Variants in CPS1 observed in about 807,000 individuals in gnomAD.
The protein encoded by CPS1 is carbamoyl-phosphate synthase 1.
In CPS1, 109 loss-of-function variants were observed where a neutral mutation model predicts 174.6. That is an observed-to-expected ratio of 0.62 (90% confidence interval 0.53 to 0.73). The LOEUF is 0.73. Among genes scored for constraint, CPS1 ranks in the 30% least tolerant of loss-of-function variants. The pLI, the probability that CPS1 is intolerant of heterozygous loss-of-function variation, is 0.00. For synonymous variants in CPS1, 637 were observed against 632.0 expected, an observed-to-expected ratio of 1.01 and a Z score of -0.12; for missense variants, 1,689 against 1,821.9, an observed-to-expected ratio of 0.93 and a Z score of 1.33.
In CPS1 at chr2:210,656,545, T is replaced by C. The variant is rs2105917839; in HGVS notation, c.3579T>C (p.Ser1193=). 1 of 1,609,146 alleles carries C rather than the reference T, an allele frequency of 6.2e-7. No homozygotes were observed. The highest frequency in any genetic ancestry group is 1.1e-5 in the South Asian group (1 of 90,888). Residue 1193 remains serine (S), a synonymous_variant, in exon 30 of 38, where the codon TCT becomes TCC. Coordinates refer to ENST00000233072, the MANE Select transcript of CPS1 (RefSeq NM_001875.5). ...KDGRVISHAI[S]EHVEDAGVHS... Reference sequence around the variant, plus strand: ...GCCAGGTTATCTCTCATGCCATCTCTGAACATGTTGAAGATGCAGGTGTCC... The same window carrying C: ...GCCAGGTTATCTCTCATGCCATCTCCGAACATGTTGAAGATGCAGGTGTCC...
At chr2:210,649,090 A>G (rs1288760575) in intron 27 of CPS1, among the ~76,000 whole-genome samples, 1 of 152,244 alleles carries the variant, frequency 6.6e-6, no homozygotes, top group Non-Finnish European at 1.5e-5. Flanking sequence ...TTCAGATGTT[A>G]CCACATGTAA....
intron 1 of CPS1, among the ~76,000 whole-genome samples, chr2:210,486,410 C>T (rs763939083): frequency 6.6e-6 from 1 of 152,142 alleles, no homozygotes; most frequent in Non-Finnish European, 1.5e-5. Flanking sequence ...CAGAAGTACA[C>T]GTGCCCAACA....
At chr2:210,630,916 A>G (rs1160730446) in intron 21 of CPS1, among the ~76,000 whole-genome samples, 1 of 152,132 alleles carries the variant, frequency 6.6e-6, no homozygotes, top group African/African-American at 2.4e-5. Flanking sequence ...GAGAGAGGCT[A>G]GTGAGGGTTC....
At chr2:210,660,870 T>C (rs961763230) in intron 32 of CPS1, among the ~76,000 whole-genome samples, 7 of 152,236 alleles carry the variant, frequency 4.6e-5, no homozygotes, top group African/African-American at 1.4e-4. Flanking sequence ...CCATCTAGAA[T>C]TGTATAACTT....
chr2:210,669,711 C>T (rs541381271), intron 34 of CPS1, among the ~76,000 whole-genome samples: 2 of 152,126 alleles, frequency 1.3e-5, no homozygotes, highest in Non-Finnish European at 2.9e-5. Context: ...AGACAAATCA[C>T]ACCATATGAT....
At chr2:210,630,942 T>C (rs945387530) in intron 21 of CPS1, among the ~76,000 whole-genome samples, 1 of 151,564 alleles carries the variant, frequency 6.6e-6, no homozygotes, top group Non-Finnish European at 1.5e-5. Context: ...TCAGAGAACA[T>C]ATATCTTACT....
intron 1 of CPS1, among the ~76,000 whole-genome samples, chr2:210,508,631 G>A (rs1475643170): frequency 6.6e-6 from 1 of 152,076 alleles, no homozygotes; most frequent in Non-Finnish European, 1.5e-5. Context: ...TAGACCACTA[G>A]CAAGACTAAT....
chr2:210,591,988 C>G lies in CPS1; in HGVS notation c.1086+19C>G. On this transcript the variant is annotated intron_variant, in intron 10 of 37. Coordinates refer to ENST00000233072, the MANE Select transcript of CPS1 (RefSeq NM_001875.5). ...AAATGAGGTAAATGATGTCAATAAACCTGTTCAGTTGGTGATGAGAAACGC... is the reference window on the plus strand; with the variant it reads ...AAATGAGGTAAATGATGTCAATAAAGCTGTTCAGTTGGTGATGAGAAACGC... 6.2e-7 allele frequency: 1 copy of G among 1,607,996 alleles called. No individual in the cohort carries two copies. The highest frequency in any genetic ancestry group is 1.1e-5 in the South Asian group (1 of 90,728).
At chr2:210,530,715 A>G (rs780398686) in intron 1 of CPS1, among the ~76,000 whole-genome samples, 4 of 151,992 alleles carry the variant, frequency 2.6e-5, no homozygotes, top group Non-Finnish European at 5.9e-5. Context: ...AGCATCGTAA[A>G]TACTGCCTCT....
In CPS1 at chr2:210,644,696, A is replaced by G. The variant is rs569683809; in HGVS notation, c.3141+2031A>G. Among the ~76,000 whole-genome samples, 18 of 152,316 alleles carry G rather than the reference A, an allele frequency of 1.2e-4. No homozygotes were observed. In the South Asian group the frequency reaches 3.7e-3, roughly 32 times the overall value. Reference sequence around the variant, plus strand: ...ATCTAATTTGTGCATAAAAATAAGGACTAACCAAAGTGATTAGTGGCCAGG... The same window carrying G: ...ATCTAATTTGTGCATAAAAATAAGGGCTAACCAAAGTGATTAGTGGCCAGG... On this transcript the variant is annotated intron_variant, in intron 25 of 37. Coordinates refer to ENST00000233072, the MANE Select transcript of CPS1 (RefSeq NM_001875.5).
rs148708735 is a variant in CPS1 at position 210,556,854 on chromosome 2, G to T, written c.121G>T (p.Val41Phe). ...FSRPGIRLLS[V>F]KAQTAHIVLE... ...AAGACCTGGCATCAGGCTCCTTTCT[G>T]TCAAGGTAATACCCATATTGATTGT... is the stretch of plus-strand genomic sequence containing the variant. Residue 41 changes from valine (V) to phenylalanine (F), a missense_variant, in exon 1 of 38, where the codon GTC (valine) becomes TTC (phenylalanine). By Grantham distance (50) the Val-to-Phe change is conservative (BLOSUM62 -1). Transcript: ENST00000233072. 2.5e-5 allele frequency: 40 copies of T among 1,612,790 alleles called. No homozygotes were observed. The African/African-American group carries it at 5.1e-4, about 20-fold the overall frequency.
chr2:210,555,589 A>G (rs987823007), upstream of CPS1: 2 of 455,150 alleles, frequency 4.4e-6, no homozygotes, highest in African/African-American at 4.0e-5. Context: ...CACTGATTCT[A>G]TGTTATTGAA....
intron 1 of CPS1, among the ~76,000 whole-genome samples, chr2:210,550,641 T>C (rs762071589): frequency 1.3e-5 from 2 of 151,940 alleles, no homozygotes; most frequent in Admixed American, 6.6e-5. Flanking sequence ...GTGGAGCCAA[T>C]AGAACAGATT....
intron 1 of CPS1, among the ~76,000 whole-genome samples, chr2:210,529,603 G>C (rs1306306306): frequency 1.3e-5 from 2 of 151,946 alleles, no homozygotes; most frequent in African/African-American, 4.8e-5. Context: ...ACAAAAAGAA[G>C]AACAAGTCTG....
chr2:210,485,246 TAAAATA>T (rs1414980200), intron 1 of CPS1, among the ~76,000 whole-genome samples: 1 of 146,630 alleles, frequency 6.8e-6, no homozygotes, highest in Non-Finnish European at 1.5e-5. Context: ...AAAAAAAAAA[TAAAATA>T]AAAATAAAAA....
intron 1 of CPS1, among the ~76,000 whole-genome samples, chr2:210,559,816 T>A (rs1697040518): frequency 6.6e-6 from 1 of 152,182 alleles, no homozygotes; most frequent in African/African-American, 2.4e-5. Context: ...AAATGATGAC[T>A]GATTTACTTG....
intron 1 of CPS1, among the ~76,000 whole-genome samples, chr2:210,521,016 C>T (rs1404419232): frequency 6.6e-6 from 1 of 152,002 alleles, no homozygotes; most frequent in Admixed American, 6.6e-5. Context: ...TTTCATGAAG[C>T]TTCAAAATTG....
At chr2:210,611,664 T>C (rs1013516899) in intron 19 of CPS1, among the ~76,000 whole-genome samples, 25 of 151,990 alleles carry the variant, frequency 1.6e-4, no homozygotes, top group African/African-American at 5.3e-4. Flanking sequence ...CCAACCTGTC[T>C]TGAATACTGA....
At chr2:210,487,695 T>TA (rs1480909068) in intron 1 of CPS1, among the ~76,000 whole-genome samples, 1 of 146,174 alleles carries the variant, frequency 6.8e-6, no homozygotes, top group Non-Finnish European at 1.5e-5. Flanking sequence ...GATGCTTTTT[T>TA]TTTTAAAGCG....
Sources: allele counts gnomAD v4.1 joint callset (sites outside exome capture counted in the v4.1 genomes callset), GRCh38; gene constraint gnomAD v4.1.1; transcripts MANE v1.5; gene names NCBI Gene and HGNC (gene_info 2026-07-23, HGNC 2026-07-21).